Variants in FAM20A observed in about 807,000 individuals in gnomAD.
The protein encoded by FAM20A is FAM20A golgi associated secretory pathway pseudokinase, also known as pseudokinase FAM20A.
In FAM20A, 42 loss-of-function variants were observed where a neutral mutation model predicts 52.0. That is an observed-to-expected ratio of 0.81 (90% CI 0.63 to 1.04). The LOEUF is 1.04. Ranked by LOEUF, FAM20A falls within the 50% of genes least tolerant of loss-of-function variation. FAM20A has a pLI of 0.00. For missense variants in FAM20A, 742 were observed against 712.7 expected, an observed-to-expected ratio of 1.04 and a Z score of -0.47; for synonymous variants, 304 against 298.9, an observed-to-expected ratio of 1.02 and a Z score of -0.18.
intron 4 of FAM20A, among the ~76,000 whole-genome samples, chr17:68,546,856 A>C (rs1191155201): frequency 2.0e-5 from 3 of 149,806 alleles, no homozygotes; most frequent in Non-Finnish European, 4.4e-5. Context: ...AAAAGGTAAG[A>C]CTTGAAAGTT....
intron 10 of FAM20A, among the ~76,000 whole-genome samples, chr17:68,539,087 T>C (rs2086182113): frequency 6.6e-6 from 1 of 152,184 alleles, no homozygotes; most frequent in Non-Finnish European, 1.5e-5. Context: ...ATAGAAAAGA[T>C]AGTAAAACTG....
rs760791741 is a variant in FAM20A, at chr17:68,539,975, G to A, written c.1220-9C>T. 6.2e-7 allele frequency: 1 copy of A among 1,613,930 alleles called. No homozygotes were observed. Among genetic ancestry groups the A allele is most frequent in the Non-Finnish European group, 8.5e-7 (1 of 1,179,842 alleles). On this transcript the variant is annotated splice_polypyrimidine_tract_variant and intron_variant, in intron 8 of 10. Coordinates refer to ENST00000592554, the MANE Select transcript of FAM20A (RefSeq NM_017565.4). Reference sequence around the variant, plus strand: ...GTGCCGGTCCATATTCCCTGTGAAGGAGGGGAGGACTTAGCTGGAACCAGC... The same window carrying A: ...GTGCCGGTCCATATTCCCTGTGAAGAAGGGGAGGACTTAGCTGGAACCAGC...
chr17:68,551,887 C>G lies in FAM20A; in HGVS notation c.705G>C (p.Met235Ile). ...VLRFSDFGKA[M>I]FKPMRQQRDE... ...CAGTCACTTACCTCATGGGTTTGAA[C>G]ATGGCCTTCCCGAAATCCGAGAACC... The change falls in exon 4 of 11, where the codon ATG becomes ATC. Residue 235 changes from methionine to isoleucine, a missense_variant. Met to Ile is a conservative substitution (Grantham distance 10, BLOSUM62 1). Coordinates refer to ENST00000592554, the MANE Select transcript of FAM20A (RefSeq NM_017565.4). The G allele has an allele frequency of 3.2e-6, 5 of 1,585,288 alleles. No homozygotes were observed. Among genetic ancestry groups the G allele is most frequent in the Non-Finnish European group, 4.3e-6 (5 of 1,163,732 alleles).
At chr17:68,585,957 A>G (rs565405448) in intron 1 of FAM20A, among the ~76,000 whole-genome samples, 3 of 152,242 alleles carry the variant, frequency 2.0e-5, no homozygotes, top group Non-Finnish European at 4.4e-5. Context: ...CTGCCTAGTC[A>G]CTACCAGGAA....
intron 7 of FAM20A, chr17:68,541,580 G>A: frequency 5.1e-6 from 1 of 195,596 alleles, no homozygotes; most frequent in South Asian, 1.0e-4. Flanking sequence ...ATACAGCAGT[G>A]AGGTCCTTGG....
intron 4 of FAM20A, among the ~76,000 whole-genome samples, chr17:68,549,627 C>T (rs1172320123): frequency 2.0e-5 from 3 of 152,136 alleles, no homozygotes; most frequent in African/African-American, 7.2e-5. Flanking sequence ...TCATTAACAT[C>T]TCCTGTTTCT....
At chr17:68,545,627 T>C (rs2086517619) in intron 4 of FAM20A, among the ~76,000 whole-genome samples, 1 of 152,174 alleles carries the variant, frequency 6.6e-6, no homozygotes, top group African/African-American at 2.4e-5. Flanking sequence ...AATAAGACAA[T>C]AATGAAGTTT....
chr17:68,561,126 A>T (rs2087200036), intron 1 of FAM20A, among the ~76,000 whole-genome samples: 1 of 152,194 alleles, frequency 6.6e-6, no homozygotes, highest in South Asian at 2.1e-4. Flanking sequence ...AAATGCAGAA[A>T]TGTTGATTTT....
At position 68,535,404 on chromosome 17, in the gene FAM20A, G is replaced by T. The variant is rs1182452772; in HGVS notation, c.*2073C>A. The T allele has an allele frequency of 2.2e-6, 1 of 454,122 alleles. No homozygotes were observed. Among genetic ancestry groups the T allele is most frequent in the Non-Finnish European group, 4.4e-6 (1 of 226,794 alleles). 28.1% of individuals were successfully genotyped at this position (454,122 alleles called of 1,614,324 possible). ...AGTCCTTCGTTATAGGAGGTGGCGG[G>T]TTTTGAGGTAGAGCTGTAGCCTGCT... is the stretch of plus-strand genomic sequence containing the variant. On this transcript the variant is annotated 3_prime_UTR_variant, in exon 11 of 11. Coordinates refer to ENST00000592554, the MANE Select transcript of FAM20A (RefSeq NM_017565.4).
chr17:68,540,618 T>C, intron 8 of FAM20A: 1 of 627,380 alleles, frequency 1.6e-6, no homozygotes, highest in Non-Finnish European at 2.9e-6. Flanking sequence ...CGTGGCAGGG[T>C]GAGATGCCTG....
rs1347748705 is a variant in FAM20A, at chr17:68,600,021, T to C, written c.404+242A>G. ...AGGGGAAGGGGCTGAGAGCGTTTCT[T>C]CGCTGTGCGGCTGCAATAGAAACTT... On this transcript the variant is annotated intron_variant, in intron 1 of 10. Coordinates refer to ENST00000592554, the MANE Select transcript of FAM20A (RefSeq NM_017565.4). This position sits in a 1 kb window ranked among gnomAD's most constrained non-coding sequence, Gnocchi z 6.2. Among the ~76,000 whole-genome samples the C allele has an allele frequency of 1.3e-5, 2 of 152,172 alleles. No homozygotes were observed. The highest frequency in any genetic ancestry group is 4.8e-5 in the African/African-American group (2 of 41,436).
chr17:68,558,215 T>C (rs188775661), intron 1 of FAM20A: 165 of 297,366 alleles, frequency 5.5e-4, no homozygotes, highest in African/African-American at 3.3e-3. Context: ...AGGAACTGAA[T>C]TCTACCAACA....
At chr17:68,570,135 G>A (rs1188667711) in intron 1 of FAM20A, among the ~76,000 whole-genome samples, 1 of 152,162 alleles carries the variant, frequency 6.6e-6, no homozygotes, top group Non-Finnish European at 1.5e-5. Context: ...GAGTGCAGTG[G>A]CATGATCTCA....
chr17:68,582,008 T>C (rs9675199), intron 1 of FAM20A, among the ~76,000 whole-genome samples: 35,619 of 152,144 alleles, frequency 0.23, 5,296 homozygotes, highest in Middle Eastern at 0.33. Flanking sequence ...AGCACTGTGC[T>C]TAACATAGAG....
At position 68,561,591 on chromosome 17, in the gene FAM20A, C is replaced by CTTT. The variant is rs5821662; in HGVS notation, c.405-5851_405-5849dup. ...GGTGGGGCTAGTCTTTTTGATTGCT[C>CTTT]TTTTTTTTTTTTTTTTTTTAAAGAG... On this transcript the variant is annotated intron_variant, in intron 1 of 10. Transcript: ENST00000592554. Among the ~76,000 whole-genome samples, 856 of 128,912 alleles carry CTTT rather than the reference C, an allele frequency of 6.6e-3. 6 individuals are homozygous for CTTT. The highest frequency in any genetic ancestry group is 0.023 in the African/African-American group (800 of 35,128). The allele number at this position is 128,912 out of a possible 152,430, so 84.6% of individuals were successfully genotyped here.
At chr17:68,577,486 T>G (rs2087807456) in intron 1 of FAM20A, among the ~76,000 whole-genome samples, 1 of 152,226 alleles carries the variant, frequency 6.6e-6, no homozygotes, top group Non-Finnish European at 1.5e-5. Context: ...TTTGGAGACA[T>G]ATTTGGTTGT....
At chr17:68,583,045 A>T (rs2088058325) in intron 1 of FAM20A, among the ~76,000 whole-genome samples, 1 of 151,212 alleles carries the variant, frequency 6.6e-6, no homozygotes. Context: ...TGACCTCGTG[A>T]TCCGCCCACC....
chr17:68,573,390 A>G (rs2087619633), intron 1 of FAM20A, among the ~76,000 whole-genome samples: 1 of 152,102 alleles, frequency 6.6e-6, no homozygotes, highest in African/African-American at 2.4e-5. Flanking sequence ...GAAACTGGGC[A>G]ATTTATAAGA....
At position 68,537,215 on chromosome 17, in the gene FAM20A, C is replaced by T. The variant is rs903174373; in HGVS notation, c.*262G>A. 5 of 626,768 alleles carry T rather than the reference C, an allele frequency of 8.0e-6. No individual in the cohort carries two copies. The highest frequency in any genetic ancestry group is 1.5e-5 in the Non-Finnish European group (5 of 339,268). 38.8% of individuals were successfully genotyped at this position (626,768 alleles called of 1,614,324 possible). On this transcript the variant is annotated 3_prime_UTR_variant, in exon 11 of 11. Transcript: ENST00000592554. The surrounding 1 kb of genome is among the most constrained non-coding windows in gnomAD (Gnocchi z 4.2). ...TGACCTATACCCAGATTTCCCAGTG[C>T]ACTCAGGAGATCGTCGGTGGCCTTG...
Sources: allele counts gnomAD v4.1 joint callset (sites outside exome capture counted in the v4.1 genomes callset), GRCh38; gene constraint gnomAD v4.1.1; non-coding constraint Gnocchi (gnomAD v3.1); transcripts MANE v1.5; gene names NCBI Gene and HGNC (gene_info 2026-07-23, HGNC 2026-07-21).